The following MTUS1 variants were observed in gnomAD, a reference collection of about 807,000 sequenced individuals.
MTUS1 encodes the protein microtubule associated scaffold protein 1.
A neutral mutation model predicts 120.8 loss-of-function variants in MTUS1; 109 were observed. The ratio of observed to expected loss-of-function variants is 0.90; its 90% confidence interval spans 0.77 to 1.06. MTUS1 has a LOEUF of 1.06. Among genes scored for constraint, MTUS1 ranks in the 50% least tolerant of loss-of-function variants. The probability of loss-of-function intolerance (pLI) is 0.00; values close to 1 mark genes in which losing one functional copy is unlikely to be tolerated. For synonymous variants in MTUS1, 737 were observed against 550.5 expected (o/e 1.34, Z -4.74); for missense variants, 2,210 against 1,486.3 (o/e 1.49, Z -8.01).
intron 8 of MTUS1, among the ~76,000 whole-genome samples, chr8:17,664,754 C>T (rs1044927852): frequency 3.9e-5 from 6 of 152,108 alleles, no homozygotes; most frequent in Non-Finnish European, 8.8e-5. Flanking sequence ...CGAGGAAATC[C>T]GATCCTGACA....
At chr8:17,722,096 T>A in intron 4 of MTUS1, 1 of 1,320,790 alleles carries the variant, frequency 7.6e-7, no homozygotes, top group South Asian at 2.3e-5. Flanking sequence ...GAATGCTTAA[T>A]CCGCAACAGG....
At chr8:17,775,180 A>G (rs1020827665) in intron 1 of MTUS1, among the ~76,000 whole-genome samples, 4 of 152,150 alleles carry the variant, frequency 2.6e-5, no homozygotes, top group Non-Finnish European at 4.4e-5. Flanking sequence ...GGTGATAGTT[A>G]CACAACTTTG....
rs369342401 is a variant in MTUS1 at position 17,675,121 on chromosome 8, C to T, written c.2905+65G>A. 13 of 1,606,222 alleles carry T rather than the reference C, an allele frequency of 8.1e-6. No individual in the cohort carries two copies. The African/African-American group carries it at 1.7e-4, about 21-fold the overall frequency. ...AACTCCAGCCACAACGCAGACAGGA[C>T]AACCACATTTTCCAGTGTTCCCCTT... On this transcript the variant is annotated intron_variant, in intron 8 of 14. Coordinates refer to ENST00000693296, the MANE Select transcript of MTUS1 (RefSeq NM_001363059.2).
chr8:17,742,085 C>T (rs1230500084), intron 3 of MTUS1, among the ~76,000 whole-genome samples: 2 of 151,974 alleles, frequency 1.3e-5, no homozygotes, highest in African/African-American at 2.4e-5. Flanking sequence ...ACAGTAAGGA[C>T]CAGAGCTTTT....
At chr8:17,675,040 G>C in intron 8 of MTUS1, 146 bp downstream of exon 8, 1 of 1,447,050 alleles carries the variant, frequency 6.9e-7, no homozygotes. Flanking sequence ...AAGAAATGTC[G>C]ATAGTAAGTG....
chr8:17,774,893 G>T (rs1164491089), intron 1 of MTUS1, among the ~76,000 whole-genome samples: 1 of 146,542 alleles, frequency 6.8e-6, no homozygotes, highest in African/African-American at 2.5e-5. Context: ...TACATACAGT[G>T]GAATATTATT....
At chr8:17,725,544 T>C (rs2046170863) in intron 3 of MTUS1, among the ~76,000 whole-genome samples, 1 of 152,210 alleles carries the variant, frequency 6.6e-6, no homozygotes, top group Non-Finnish European at 1.5e-5. Flanking sequence ...TTCCACCCTT[T>C]GAATCCTTAT....
chr8:17,669,552 A>T (rs1811584917), intron 8 of MTUS1, among the ~76,000 whole-genome samples: 1 of 152,180 alleles, frequency 6.6e-6, no homozygotes, highest in Non-Finnish European at 1.5e-5. Flanking sequence ...TTTGTTAAAA[A>T]TGTCCAGTAC....
chr8:17,748,961 A>G (rs2047979070), intron 2 of MTUS1, among the ~76,000 whole-genome samples: 1 of 152,198 alleles, frequency 6.6e-6, no homozygotes, highest in South Asian at 2.1e-4. Flanking sequence ...ACACCAAACT[A>G]CAATTTGCAA....
chr8:17,654,707 A>G lies in MTUS1; in HGVS notation c.3109-41T>C, dbSNP rs151268128. On this transcript the variant is annotated intron_variant, in intron 9 of 14. Coordinates refer to ENST00000693296, the MANE Select transcript of MTUS1 (RefSeq NM_001363059.2). ...AAAACCGTGGTTTAACAGTAAAACC[A>G]AATGTCCTAAGTTGAATACGCAAAG... is the stretch of plus-strand genomic sequence containing the variant. 236 of 1,432,840 alleles carry G rather than the reference A, an allele frequency of 1.6e-4. 3 individuals carry two copies. In the East Asian group the frequency reaches 3.9e-3, roughly 24 times the overall value. The allele number at this position is 1,432,840 out of a possible 1,614,324, so 88.8% of individuals were successfully genotyped here. A position where few individuals can be genotyped will look rare whatever the true frequency, so the allele number is the denominator to read the frequency against.
At chr8:17,646,862 T>C in intron 14 of MTUS1, 120 bp downstream of exon 14, 1 of 709,860 alleles carries the variant, frequency 1.4e-6, no homozygotes, top group Non-Finnish European at 2.5e-6. Flanking sequence ...ATCAATGCCC[T>C]TTTAACCATC....
intron 1 of MTUS1, among the ~76,000 whole-genome samples, chr8:17,794,297 C>T (rs1036813310): frequency 1.3e-5 from 2 of 151,850 alleles, no homozygotes; most frequent in Non-Finnish European, 2.9e-5. Flanking sequence ...CACTGCACTC[C>T]AGCCTGGGCA....
chr8:17,687,229 T>C (rs143269629), intron 6 of MTUS1, among the ~76,000 whole-genome samples: 4 of 152,294 alleles, frequency 2.6e-5, no homozygotes, highest in African/African-American at 9.6e-5. Context: ...TTCCGCTCCA[T>C]ATACTGTGCT....
At position 17,710,916 on chromosome 8, in the gene MTUS1, A is replaced by G. The variant is rs74567527; in HGVS notation, c.2623+2298T>C. ...TATATATTACTATGTAATACACTATACTATACTCCATCAGAGTTCTTGGGT... is the reference window on the plus strand; with the variant it reads ...TATATATTACTATGTAATACACTATGCTATACTCCATCAGAGTTCTTGGGT... On this transcript the variant is annotated intron_variant, in intron 6 of 14. Coordinates refer to ENST00000693296, the MANE Select transcript of MTUS1 (RefSeq NM_001363059.2). Among the ~76,000 whole-genome samples, 60 of 152,324 alleles carry G rather than the reference A, an allele frequency of 3.9e-4. No individual in the cohort carries two copies. In the East Asian group the frequency reaches 7.1e-3, roughly 18 times the overall value.
At chr8:17,750,527 G>C (rs536097385) in intron 2 of MTUS1, among the ~76,000 whole-genome samples, 1 of 152,324 alleles carries the variant, frequency 6.6e-6, no homozygotes, top group East Asian at 1.9e-4. Flanking sequence ...GTATGGAGCA[G>C]AAAAGGCCAG....
intron 4 of MTUS1, chr8:17,722,358 A>G: frequency 1.0e-6 from 1 of 969,324 alleles, no homozygotes; most frequent in Non-Finnish European, 1.2e-6. Flanking sequence ...CTGTTTTGGC[A>G]GTTTGTCTTT....
At chr8:17,758,707 T>G (rs1299313824) in intron 1 of MTUS1, among the ~76,000 whole-genome samples, 1 of 152,192 alleles carries the variant, frequency 6.6e-6, no homozygotes, top group African/African-American at 2.4e-5. Flanking sequence ...AGCAAATATA[T>G]GCAAAGTGCA....
rs1284579873 is a variant in MTUS1, at chr8:17,784,301, T to TG, written c.-155+16759_-155+16760insC. 1.7e-3 allele frequency among the ~76,000 whole-genome samples: 253 copies of TG among 151,228 alleles called. 3 individuals carry two copies. The highest frequency in any genetic ancestry group is 2.5e-3 in the Non-Finnish European group (169 of 67,796). On this transcript the variant is annotated intron_variant, in intron 1 of 14. Coordinates refer to ENST00000693296, the MANE Select transcript of MTUS1 (RefSeq NM_001363059.2). ...TGCTAATTTTCTTACAACTGTTTTTTTTTTTTTTTTTGAGATGGAATTTCA... is the reference window on the plus strand; with the variant it reads ...TGCTAATTTTCTTACAACTGTTTTTTGTTTTTTTTTTTGAGATGGAATTTCA...
chr8:17,792,852 A>T (rs2051913699), intron 1 of MTUS1, among the ~76,000 whole-genome samples: 1 of 152,232 alleles, frequency 6.6e-6, no homozygotes, highest in African/African-American at 2.4e-5. Context: ...ACACAGCAAG[A>T]CTCTGTCTCA....
Sources: gnomAD v4.1 joint callset for allele counts (sites outside exome capture counted in the v4.1 genomes callset) on GRCh38, gnomAD v4.1.1 for gene constraint, MANE v1.5 for transcripts, NCBI Gene and HGNC (gene_info 2026-07-23, HGNC 2026-07-21) for gene names.